The following EML4 variants were observed in gnomAD, a reference collection of about 807,000 sequenced individuals.
EML4 encodes EMAP like 4, also known as echinoderm microtubule-associated protein-like 4.
EML4 carries 72 observed loss-of-function variants against 129.0 expected under a neutral mutation model. That is an observed-to-expected ratio of 0.56 (90% CI 0.46 to 0.68). The LOEUF (loss-of-function observed/expected upper bound fraction) is 0.68, where lower values mean the gene tolerates loss of function less well. Ranked by LOEUF, EML4 falls within the 30% of genes least tolerant of loss-of-function variation. EML4 has a pLI of 0.00. For missense variants in EML4, 1,363 were observed against 1,190.6 expected, an observed-to-expected ratio of 1.14 and a Z score of -2.13; for synonymous variants, 532 against 405.0, an observed-to-expected ratio of 1.31 and a Z score of -3.77.
chr2:42,298,999 C>T (rs1390565848), intron 13 of EML4, among the ~76,000 whole-genome samples: 1 of 152,204 alleles, frequency 6.6e-6, no homozygotes, highest in African/African-American at 2.4e-5. Context: ...CAGGTGTCCT[C>T]CCTCTCGTGG....
chr2:42,258,518 A>C (rs1484746454), intron 3 of EML4, among the ~76,000 whole-genome samples: 1 of 152,104 alleles, frequency 6.6e-6, no homozygotes, highest in Admixed American at 6.5e-5. Context: ...CTCCTGCTGC[A>C]GCACCCGGAG....
chr2:42,184,985 A>C (rs1388566472), intron 1 of EML4, among the ~76,000 whole-genome samples: 1 of 152,196 alleles, frequency 6.6e-6, no homozygotes. Flanking sequence ...GATTGATAAA[A>C]TTCTCTTTAA....
chr2:42,220,553 C>T (rs1476047762), intron 1 of EML4, among the ~76,000 whole-genome samples: 4 of 152,144 alleles, frequency 2.6e-5, no homozygotes, highest in Non-Finnish European at 5.9e-5. Flanking sequence ...TCCCTCTCCT[C>T]AGGCCTCCCT....
chr2:42,283,405 C>G (rs1182191786), intron 8 of EML4, among the ~76,000 whole-genome samples: 1 of 152,172 alleles, frequency 6.6e-6, no homozygotes, highest in Non-Finnish European at 1.5e-5. Context: ...GAATAAGGAT[C>G]ATAAGTATGC....
intron 22 of EML4, 34 bp from the exon 23 acceptor site, chr2:42,329,700 T>G (rs1361150638): frequency 1.9e-6 from 3 of 1,574,588 alleles, no homozygotes; most frequent in African/African-American, 1.4e-5. Context: ...AGAATGAGTT[T>G]AATTTTCCTG....
intron 1 of EML4, among the ~76,000 whole-genome samples, chr2:42,195,349 T>TA (rs1376590759): frequency 6.6e-6 from 1 of 152,236 alleles, no homozygotes; most frequent in Non-Finnish European, 1.5e-5. Flanking sequence ...TTCATAGTAT[T>TA]ATAATGTTTA....
At chr2:42,283,732 T>C (rs991376663) in intron 8 of EML4, among the ~76,000 whole-genome samples, 1 of 152,226 alleles carries the variant, frequency 6.6e-6, no homozygotes, top group African/African-American at 2.4e-5. Context: ...CAGAATAATG[T>C]ATGTACAAAA....
chr2:42,275,160 G>C (rs909518285), intron 6 of EML4, among the ~76,000 whole-genome samples: 9 of 152,136 alleles, frequency 5.9e-5, no homozygotes, highest in Non-Finnish European at 8.8e-5. Flanking sequence ...GTAATATTAA[G>C]TTTTAATAGC....
intron 1 of EML4, among the ~76,000 whole-genome samples, chr2:42,183,434 C>T (rs540661330): frequency 2.8e-4 from 43 of 152,206 alleles, no homozygotes; most frequent in Admixed American, 2.3e-3. Flanking sequence ...GTGATACAAC[C>T]TGTGTGGGAT....
intron 1 of EML4, among the ~76,000 whole-genome samples, chr2:42,223,260 A>G (rs539954083): frequency 6.6e-6 from 1 of 152,198 alleles, no homozygotes; most frequent in South Asian, 2.1e-4. Context: ...TCATTTTTGT[A>G]GTGATTACGT....
chr2:42,239,296 T>C (rs1282803931), intron 1 of EML4, among the ~76,000 whole-genome samples: 1 of 152,248 alleles, frequency 6.6e-6, no homozygotes, highest in Non-Finnish European at 1.5e-5. Context: ...GATATGATAC[T>C]GGATTGCCAA....
chr2:42,271,851 C>T (rs1229279506), intron 6 of EML4, among the ~76,000 whole-genome samples: 1 of 151,934 alleles, frequency 6.6e-6, no homozygotes, highest in Admixed American at 6.6e-5. Flanking sequence ...GTCTGTAATC[C>T]CAGCACTTTG....
At chr2:42,272,716 A>G (rs370916651) in intron 6 of EML4, among the ~76,000 whole-genome samples, 1,666 of 151,724 alleles carry the variant, frequency 0.011, 30 homozygotes, top group African/African-American at 0.036. Context: ...GCAAAAATAC[A>G]CGTAATTTGA....
In EML4 at chr2:42,264,483, C is replaced by T. The variant is rs556563557; in HGVS notation, c.642-223C>T. 4.6e-5 allele frequency among the ~76,000 whole-genome samples: 7 copies of T among 152,206 alleles called. No individual in the cohort carries two copies. In the South Asian group the frequency reaches 1.2e-3, roughly 27 times the overall value. On this transcript the variant is annotated intron_variant, in intron 5 of 22. Coordinates refer to ENST00000318522, the MANE Select transcript of EML4 (RefSeq NM_019063.5). ...TTCATAAGTTATTTTTATGCTTTCA[C>T]TGTTTAGATGCTCTTGTGGGATATT...
chr2:42,233,205 T>C (rs952300901), intron 1 of EML4, among the ~76,000 whole-genome samples: 4 of 152,236 alleles, frequency 2.6e-5, no homozygotes, highest in African/African-American at 7.2e-5. Context: ...ATAGCTGTTA[T>C]GTTGTTAATG....
chr2:42,280,017 A>G (rs905649374), intron 6 of EML4, among the ~76,000 whole-genome samples: 1 of 152,102 alleles, frequency 6.6e-6, no homozygotes, highest in Non-Finnish European at 1.5e-5. Context: ...ACCCTTTATT[A>G]GATATATGGC....
intron 1 of EML4, among the ~76,000 whole-genome samples, chr2:42,242,378 G>A (rs1419270018): frequency 1.3e-5 from 2 of 152,096 alleles, no homozygotes; most frequent in East Asian, 1.9e-4. Context: ...AATTTATTAC[G>A]TTACATAATT....
intron 3 of EML4, among the ~76,000 whole-genome samples, chr2:42,259,630 T>G (rs1195699255): frequency 6.6e-6 from 1 of 152,022 alleles, no homozygotes; most frequent in African/African-American, 2.4e-5. Flanking sequence ...TTAGTTTCAT[T>G]TCTCAGAAAT....
At position 42,329,944 on chromosome 2, in the gene EML4, T is replaced by G; in HGVS notation, c.2683T>G (p.Ser895Ala). The change falls in exon 23 of 23, where the codon TCT (serine) becomes GCT (alanine). Residue 895 changes from serine to alanine, a missense_variant. Coordinates refer to ENST00000318522, the MANE Select transcript of EML4 (RefSeq NM_019063.5). Reference protein sequence around the residue: ...PVSSTESVIQSNTPTPPPSQP... With the variant: ...PVSSTESVIQANTPTPPPSQP... ...CTCTTCCACTGAAAGTGTCATCCAA[T>G]CTAATACTCCCACACCGCCTCCTTC... 6.2e-7 allele frequency: 1 copy of G among 1,613,884 alleles called. No individual in the cohort carries two copies.
Sources: allele counts gnomAD v4.1 joint callset (sites outside exome capture counted in the v4.1 genomes callset), GRCh38; gene constraint gnomAD v4.1.1; transcripts MANE v1.5; gene names NCBI Gene and HGNC (gene_info 2026-07-23, HGNC 2026-07-21).